Variants in SPEF2 observed in about 807,000 individuals in gnomAD.
SPEF2 encodes the protein sperm flagellar and cilia associated 2, also known as sperm flagella and cilia-associated protein 2.
In SPEF2, 187 loss-of-function variants were observed where a neutral mutation model predicts 224.6. The observed-to-expected ratio is 0.83, with a 90% CI of 0.74 to 0.94. The LOEUF (loss-of-function observed/expected upper bound fraction) is 0.94, where lower values mean the gene tolerates loss of function less well. Among genes scored for constraint, SPEF2 ranks in the 40% least tolerant of loss-of-function variants. The pLI, the probability that SPEF2 is intolerant of heterozygous loss-of-function variation, is 0.00. For missense variants in SPEF2, 2,170 were observed against 2,135.6 expected, an observed-to-expected ratio of 1.02 and a Z score of -0.32; for synonymous variants, 715 against 707.3, an observed-to-expected ratio of 1.01 and a Z score of -0.17.
At chr5:35,751,724 A>G (rs1470278377) in intron 23 of SPEF2, among the ~76,000 whole-genome samples, 1 of 152,206 alleles carries the variant, frequency 6.6e-6, no homozygotes, top group Non-Finnish European at 1.5e-5. Flanking sequence ...GTATTCCATA[A>G]ACACAATGTC....
At chr5:35,805,634 T>C (rs1007362930) in intron 34 of SPEF2, among the ~76,000 whole-genome samples, 1 of 152,178 alleles carries the variant, frequency 6.6e-6, no homozygotes, top group Admixed American at 6.5e-5. Context: ...CATACACACA[T>C]GTATGCAGAC....
At chr5:35,708,790 G>A (rs1290121987) in intron 18 of SPEF2, among the ~76,000 whole-genome samples, 158 bp from the exon 19 acceptor site, 1 of 19,466 alleles carries the variant, frequency 5.1e-5, no homozygotes, top group Non-Finnish European at 1.1e-4. Flanking sequence ...TGAAATCTTA[G>A]CTTTAAGGAC....
chr5:35,689,505 C>T (rs1424037700), intron 10 of SPEF2, among the ~76,000 whole-genome samples: 2 of 152,088 alleles, frequency 1.3e-5, no homozygotes, highest in African/African-American at 4.8e-5. Context: ...TTGCACTCTC[C>T]CCATCTCCTC....
At chr5:35,787,517 T>C (rs1755327349) in intron 30 of SPEF2, among the ~76,000 whole-genome samples, 1 of 152,150 alleles carries the variant, frequency 6.6e-6, no homozygotes, top group Non-Finnish European at 1.5e-5. Flanking sequence ...AAGAGGGAAG[T>C]GTACAAACAG....
At chr5:35,626,437 G>C (rs997273416) in intron 1 of SPEF2, among the ~76,000 whole-genome samples, 2 of 152,150 alleles carry the variant, frequency 1.3e-5, no homozygotes, top group Admixed American at 6.5e-5. Context: ...CAATGTGTCT[G>C]TTCTCACATG....
At position 35,807,788 on chromosome 5, in the gene SPEF2, C is replaced by G. The variant is rs375179286; in HGVS notation, c.5379+535C>G. Reference sequence around the variant, plus strand: ...GCAGAAGAAAGGAAGAACTGCAACTCAGAAATCACATAACCACCAAGCAGG... The same window carrying G: ...GCAGAAGAAAGGAAGAACTGCAACTGAGAAATCACATAACCACCAAGCAGG... On this transcript the variant is annotated intron_variant, in intron 36 of 36. Transcript: ENST00000356031. 22 of 1,535,510 alleles carry G rather than the reference C, an allele frequency of 1.4e-5. No individual in the cohort carries two copies. The African/African-American group carries it at 2.9e-4, about 20-fold the overall frequency.
At chr5:35,647,050 C>T (rs1225956882) in intron 5 of SPEF2, among the ~76,000 whole-genome samples, 1 of 150,862 alleles carries the variant, frequency 6.6e-6, no homozygotes, top group Non-Finnish European at 1.5e-5. Context: ...AAATGGCAGT[C>T]TGGACTCCTG....
At chr5:35,633,128 G>A (rs910314381) in intron 2 of SPEF2, 30 of 152,254 alleles carry the variant, frequency 2.0e-4, no homozygotes, top group African/African-American at 6.5e-4. Flanking sequence ...ATTAAAGTGT[G>A]TATAGATATC....
chr5:35,812,864 G>C (rs535472320), intron 36 of SPEF2, among the ~76,000 whole-genome samples: 21 of 152,302 alleles, frequency 1.4e-4, no homozygotes, highest in Non-Finnish European at 2.1e-4. Flanking sequence ...CAGGGCACCT[G>C]ACTTTAAAAT....
At position 35,617,914 on chromosome 5, in the gene SPEF2, G is replaced by T; in HGVS notation, c.-84G>T. ...GCTTCCATAGCAAAGGGTTGCCCTTGGCTACAGGAGGACGCGGGCTGGCAG... is the reference window on the plus strand; with the variant it reads ...GCTTCCATAGCAAAGGGTTGCCCTTTGCTACAGGAGGACGCGGGCTGGCAG... On this transcript the variant is annotated 5_prime_UTR_variant, in exon 1 of 37. Transcript: ENST00000356031. The T allele has an allele frequency of 1.5e-6, 2 of 1,362,584 alleles. No homozygotes were observed. Among genetic ancestry groups the T allele is most frequent in the Non-Finnish European group, 2.1e-6 (2 of 974,304 alleles). 84.4% of individuals were successfully genotyped at this position (1,362,584 alleles called of 1,614,324 possible).
intron 10 of SPEF2, among the ~76,000 whole-genome samples, chr5:35,683,597 C>G (rs1270561809): frequency 6.6e-6 from 1 of 152,172 alleles, no homozygotes; most frequent in Admixed American, 6.5e-5. Flanking sequence ...TGCACTCCAG[C>G]CTGGGTGACA....
At chr5:35,705,417 G>A (rs1739555626) in intron 17 of SPEF2, among the ~76,000 whole-genome samples, 1 of 151,802 alleles carries the variant, frequency 6.6e-6, no homozygotes, top group Admixed American at 6.6e-5. Context: ...CCTACTAAAA[G>A]TTTTCCTGAA....
Position 35,628,489 on chromosome 5 carries a change from A to C in SPEF2, c.88A>C (p.Ser30Arg). The C allele has an allele frequency of 6.2e-7, 1 of 1,613,932 alleles. No homozygotes were observed. The highest frequency in any genetic ancestry group is 8.5e-7 in the Non-Finnish European group (1 of 1,179,932). ...CAAGTCATTTGCAAAGGCATTTTCC[A>C]GTGGCTATCTACTTGGAGAAGTTCT... is the stretch of plus-strand genomic sequence containing the variant. ...SPKSFAKAFS[S>R]GYLLGEVLHK... The change falls in exon 2 of 37, where the codon AGT (serine) becomes CGT (arginine). Residue 30 changes from serine to arginine, a missense_variant. Coordinates refer to ENST00000356031, the MANE Select transcript of SPEF2 (RefSeq NM_024867.4).
chr5:35,673,207 G>T (rs564034143), intron 10 of SPEF2, among the ~76,000 whole-genome samples: 15 of 152,258 alleles, frequency 9.9e-5, no homozygotes, highest in African/African-American at 2.9e-4. Flanking sequence ...ATGGACCATG[G>T]GTAGCAGTCT....
chr5:35,683,246 G>A (rs1753090629), intron 10 of SPEF2, among the ~76,000 whole-genome samples: 1 of 152,134 alleles, frequency 6.6e-6, no homozygotes, highest in Non-Finnish European at 1.5e-5. Context: ...CTGTAAAGAT[G>A]GGATCCATAA....
At chr5:35,727,557 G>T in intron 20 of SPEF2, 118 bp from the exon 21 acceptor site, 1 of 797,280 alleles carries the variant, frequency 1.3e-6, no homozygotes. Flanking sequence ...CCTCAAAAAA[G>T]CTTAAAAAGT....
chr5:35,702,584 A>G (rs554274868), intron 16 of SPEF2, among the ~76,000 whole-genome samples: 8 of 152,288 alleles, frequency 5.3e-5, no homozygotes, highest in African/African-American at 1.9e-4. Flanking sequence ...TGGGACCGAT[A>G]ATGTTTGTAT....
intron 30 of SPEF2, chr5:35,787,897 C>T (rs1038064006): frequency 5.0e-6 from 3 of 605,354 alleles, no homozygotes; most frequent in Admixed American, 5.8e-5. Context: ...TGAATAGAGT[C>T]ACCGAAAAGC....
chr5:35,694,799 T>G (rs1231544369), intron 13 of SPEF2, among the ~76,000 whole-genome samples: 1 of 152,170 alleles, frequency 6.6e-6, no homozygotes, highest in Non-Finnish European at 1.5e-5. Flanking sequence ...GTATGCACAG[T>G]GGTTCCTAAA....
Sources: gnomAD v4.1 joint callset for allele counts (sites outside exome capture counted in the v4.1 genomes callset) on GRCh38, gnomAD v4.1.1 for gene constraint, MANE v1.5 for transcripts, NCBI Gene and HGNC (gene_info 2026-07-23, HGNC 2026-07-21) for gene names.